Variants in AFF1 observed in about 807,000 individuals in gnomAD.
The protein encoded by AFF1 is ALF transcription elongation factor 1.
Under a neutral mutation model 121.7 loss-of-function variants are expected in AFF1, and 48 were observed. The observed-to-expected ratio is 0.39, with a 90% confidence interval of 0.31 to 0.50. AFF1 has a LOEUF of 0.50. Ranked by LOEUF, AFF1 falls within the 20% of genes least tolerant of loss-of-function variation. The probability of loss-of-function intolerance (pLI) is 0.76; values close to 1 mark genes in which losing one functional copy is unlikely to be tolerated. For missense variants in AFF1, 1,523 were observed against 1,511.7 expected, an observed-to-expected ratio of 1.01 and a Z score of -0.12; for synonymous variants, 613 against 563.0, an observed-to-expected ratio of 1.09 and a Z score of -1.26.
At chr4:87,041,740 C>T (rs986747570) in intron 2 of AFF1, among the ~76,000 whole-genome samples, 6 of 151,506 alleles carry the variant, frequency 4.0e-5, no homozygotes, top group Middle Eastern at 3.4e-3. Context: ...GACAGCTGGG[C>T]GTGGTGGCTC....
chr4:87,127,169 C>A lies in AFF1; in HGVS notation c.2903+52C>A, dbSNP rs1398285486. On this transcript the variant is annotated intron_variant, in intron 15 of 20. Transcript: ENST00000395146. ...CTCTGTTTTGTTTTGTTTTGCTTCC[C>A]CCCCCCACCAAGATAGAGTCTCACT... 3.9e-6 allele frequency: 5 copies of A among 1,282,872 alleles called. No homozygotes were observed. The Admixed American group carries it at 5.7e-5, about 15-fold the overall frequency. 79.5% of individuals were successfully genotyped at this position (1,282,872 alleles called of 1,614,324 possible).
intron 1 of AFF1, among the ~76,000 whole-genome samples, chr4:86,941,651 C>CATAAATAAATAA (rs71657599): frequency 6.6e-6 from 1 of 150,660 alleles, no homozygotes; most frequent in Non-Finnish European, 1.5e-5. Flanking sequence ...GACTCTGTCT[C>CATAAATAAATAA]ATAAATAAAT....
At chr4:87,021,816 A>G (rs1454871616) in intron 2 of AFF1, among the ~76,000 whole-genome samples, 1 of 152,184 alleles carries the variant, frequency 6.6e-6, no homozygotes, top group Non-Finnish European at 1.5e-5. Context: ...CACATAGGGG[A>G]AAAAGGGGTT....
intron 2 of AFF1, among the ~76,000 whole-genome samples, chr4:86,964,230 T>C (rs1401142315): frequency 6.6e-6 from 1 of 151,296 alleles, no homozygotes; most frequent in Non-Finnish European, 1.5e-5. Flanking sequence ...TTCAAGCCAT[T>C]CTCCTGCCTC....
At chr4:87,081,151 A>AGTTTTTTTTTTT (rs1560606159) in intron 4 of AFF1, among the ~76,000 whole-genome samples, 1 of 101,666 alleles carries the variant, frequency 9.8e-6, no homozygotes, top group Non-Finnish European at 1.9e-5. Context: ...TAATGAAATG[A>AGTTTTTTTTTTT]ATTTTTTTTT....
rs992926167 is a variant in AFF1, at chr4:87,137,592, G to A, written c.*1891G>A. 1.7e-5 allele frequency: 4 copies of A among 230,684 alleles called. No individual in the cohort carries two copies. Among genetic ancestry groups the A allele is most frequent in the African/African-American group, 8.9e-5 (4 of 45,158 alleles). 14.3% of individuals were successfully genotyped at this position (230,684 alleles called of 1,614,324 possible). ...CCTTGATGTGTGATTCCTGATGACC[G>A]GTTTCATTTATTCATGTTATAAAGC... On this transcript the variant is annotated 3_prime_UTR_variant, in exon 21 of 21. Coordinates refer to ENST00000395146, the MANE Select transcript of AFF1 (RefSeq NM_001166693.3).
chr4:87,037,613 C>G (rs1173642309), intron 2 of AFF1, among the ~76,000 whole-genome samples: 1 of 151,994 alleles, frequency 6.6e-6, no homozygotes, highest in Non-Finnish European at 1.5e-5. Flanking sequence ...GCTCTCGGCC[C>G]TGCTTGGTAG....
Position 87,094,422 on chromosome 4 carries a change from A to G in AFF1, c.1229-493A>G, listed in dbSNP as rs375878425. Among the ~76,000 whole-genome samples, 4 of 152,198 alleles carry G rather than the reference A, an allele frequency of 2.6e-5. No homozygotes were observed. The East Asian group carries it at 7.7e-4, about 29-fold the overall frequency. ...GGCCAAATGCCTTAAACATGTTGGT[A>G]TCTATGAGGTAGTCTATAAATAGCT... is the stretch of plus-strand genomic sequence containing the variant. On this transcript the variant is annotated intron_variant, in intron 7 of 20. Coordinates refer to ENST00000395146, the MANE Select transcript of AFF1 (RefSeq NM_001166693.3).
intron 2 of AFF1, among the ~76,000 whole-genome samples, chr4:86,968,172 C>T (rs1722665342): frequency 6.6e-6 from 1 of 152,110 alleles, no homozygotes; most frequent in African/African-American, 2.4e-5. Context: ...CCTCTCTTAC[C>T]CTCAGGCAGT....
intron 5 of AFF1, among the ~76,000 whole-genome samples, chr4:87,089,587 C>G (rs1229274806): frequency 3.9e-5 from 6 of 152,108 alleles, no homozygotes; most frequent in Non-Finnish European, 8.8e-5. Flanking sequence ...CCAGGAAATG[C>G]AGTAAAGAAG....
intron 12 of AFF1, among the ~76,000 whole-genome samples, chr4:87,118,596 T>C (rs1316340365): frequency 6.6e-6 from 1 of 152,214 alleles, no homozygotes; most frequent in Non-Finnish European, 1.5e-5. Flanking sequence ...AACCTCAAAC[T>C]CCTGGGCTCA....
chr4:87,026,666 G>C (rs1448883426), intron 2 of AFF1, among the ~76,000 whole-genome samples: 3 of 152,202 alleles, frequency 2.0e-5, no homozygotes, highest in Admixed American at 6.5e-5. Context: ...GAATGACATG[G>C]TTCCTCAGCA....
At chr4:87,041,753 G>A (rs775812414) in intron 2 of AFF1, among the ~76,000 whole-genome samples, 4 of 152,082 alleles carry the variant, frequency 2.6e-5, no homozygotes, top group Admixed American at 6.5e-5. Context: ...GGTGGCTCAC[G>A]CCTATAATCT....
intron 2 of AFF1, among the ~76,000 whole-genome samples, chr4:87,008,836 T>C (rs960613756): frequency 3.9e-5 from 6 of 152,232 alleles, no homozygotes; most frequent in Non-Finnish European, 8.8e-5. Flanking sequence ...TTGATTTCTT[T>C]TAAATATTTT....
At chr4:87,022,657 T>C (rs1728109207) in intron 2 of AFF1, among the ~76,000 whole-genome samples, 1 of 139,964 alleles carries the variant, frequency 7.1e-6, no homozygotes, top group African/African-American at 2.5e-5. Context: ...TGTGTGTATA[T>C]ATATGTGTGT....
At chr4:86,963,964 T>TTTTTTTTTG (rs1722340519) in intron 2 of AFF1, among the ~76,000 whole-genome samples, 1 of 67,750 alleles carries the variant, frequency 1.5e-5, no homozygotes, top group Non-Finnish European at 2.6e-5. Context: ...ACTAGACTGG[T>TTTTTTTTTG]TTTTTTTTTT....
intron 2 of AFF1, among the ~76,000 whole-genome samples, chr4:86,958,044 G>A (rs965176890): frequency 2.3e-4 from 35 of 149,770 alleles, no homozygotes; most frequent in African/African-American, 8.3e-4. Context: ...TAACATCTTG[G>A]ATTCGTCTAA....
intron 4 of AFF1, chr4:87,049,698 C>G (rs1251872611): frequency 2.2e-6 from 1 of 456,232 alleles, no homozygotes; most frequent in Admixed American, 2.3e-5. Flanking sequence ...GGTCTCGGCC[C>G]GAGTTCTCAT....
rs151243574 is a variant in AFF1 at position 87,044,249 on chromosome 4, T to C, written c.39-1917T>C. 8.7e-3 allele frequency among the ~76,000 whole-genome samples: 1,330 copies of C among 152,348 alleles called. 23 individuals carry two copies. The highest frequency in any genetic ancestry group is 0.031 in the African/African-American group (1,280 of 41,580). On this transcript the variant is annotated intron_variant, in intron 2 of 20. Coordinates refer to ENST00000395146, the MANE Select transcript of AFF1 (RefSeq NM_001166693.3). ...TTTTAGATGATTTTTTAAAATAATT[T>C]TTGCATGTGTCTTCCAGAGTTAAAT...
Sources: allele counts gnomAD v4.1 joint callset (sites outside exome capture counted in the v4.1 genomes callset), GRCh38; gene constraint gnomAD v4.1.1; transcripts MANE v1.5; gene names NCBI Gene and HGNC (gene_info 2026-07-23, HGNC 2026-07-21).